Variants in UQCRB observed in about 807,000 individuals in gnomAD.
The protein encoded by UQCRB is cytochrome b-c1 complex subunit 7.
A neutral mutation model predicts 19.8 loss-of-function variants in UQCRB; 12 were observed. That is an observed-to-expected ratio of 0.61 (90% CI 0.39 to 0.98). UQCRB has a LOEUF of 0.98. Ranked by LOEUF, UQCRB falls within the 50% of genes least tolerant of loss-of-function variation. The probability of loss-of-function intolerance (pLI) is 0.00; values close to 1 mark genes in which losing one functional copy is unlikely to be tolerated. For missense variants in UQCRB, 142 were observed against 131.8 expected (o/e 1.08, Z -0.38); for synonymous variants, 39 against 42.9 (o/e 0.91, Z 0.35).
chr8:96,228,085 C>T lies in UQCRB; in HGVS notation c.*2970G>A, dbSNP rs117199041. 6.4e-5 allele frequency: 29 copies of T among 454,068 alleles called. No individual in the cohort carries two copies. The East Asian group carries it at 1.8e-3, about 28-fold the overall frequency. 28.1% of individuals were successfully genotyped at this position (454,068 alleles called of 1,614,324 possible). The stretch of plus-strand genomic sequence containing the variant: ...TTCCTACATCTTGACAACAGGAAGG[C>T]CAAGTGATACTAGGTAGTGCACTAC... On this transcript the variant is annotated 3_prime_UTR_variant, in exon 4 of 4. Coordinates refer to ENST00000287022, the MANE Select transcript of UQCRB (RefSeq NM_006294.5).
chr8:96,227,564 G>T lies in UQCRB; in HGVS notation c.*3491C>A, dbSNP rs1223880662. On this transcript the variant is annotated 3_prime_UTR_variant, in exon 4 of 4. Transcript: ENST00000287022. ...CCTCCCATACACCATAAACCCATCT[G>T]CTCTTCATCCATCAAGCTGTCAAGG... 1 of 454,052 alleles carries T rather than the reference G, an allele frequency of 2.2e-6. No individual in the cohort carries two copies. The highest frequency in any genetic ancestry group is 1.6e-5 in the South Asian group (1 of 64,470). 28.1% of individuals were successfully genotyped at this position (454,052 alleles called of 1,614,324 possible). A position where few individuals can be genotyped will look rare whatever the true frequency, so the allele number is the denominator to read the frequency against.
At chr8:96,234,354 C>T (rs1393422528) in intron 1 of UQCRB, 2 of 431,822 alleles carry the variant, frequency 4.6e-6, no homozygotes, top group East Asian at 1.5e-4. Flanking sequence ...AAACACTTTC[C>T]TATTTGCTTT....
chr8:96,234,896 C>T (rs1809770009), intron 1 of UQCRB: 2 of 202,940 alleles, frequency 9.9e-6, no homozygotes, highest in Admixed American at 5.4e-5. Flanking sequence ...ATTCAAATTT[C>T]TCCAAACCTA....
chr8:96,233,362 G>C, intron 1 of UQCRB, 135 bp from the exon 2 acceptor site: 3 of 712,994 alleles, frequency 4.2e-6, no homozygotes, highest in Non-Finnish European at 7.1e-6. Context: ...AAAGTATATA[G>C]TATATACAGC....
chr8:96,235,290 T>C, intron 1 of UQCRB: 1 of 654,602 alleles, frequency 1.5e-6, no homozygotes, highest in Non-Finnish European at 2.7e-6. Context: ...CGCGGGCACC[T>C]TCACAAACAG....
chr8:96,231,389 T>C (rs944762571), intron 3 of UQCRB: 2 of 1,538,804 alleles, frequency 1.3e-6, no homozygotes, highest in African/African-American at 1.4e-5. Flanking sequence ...CTTTGCCTAG[T>C]TTCAATGCAG....
chr8:96,233,101 AAAAAC>A, intron 2 of UQCRB, 50 bp downstream of exon 2: 2 of 1,572,920 alleles, frequency 1.3e-6, no homozygotes, highest in Non-Finnish European at 8.6e-7. Flanking sequence ...AAACAAAAAA[AAAAAC>A]AAAGAAACAA....
rs1231287415 is a variant in UQCRB, at chr8:96,225,331, A to G, written c.*5724T>C. Among the ~76,000 whole-genome samples the G allele has an allele frequency of 6.6e-6, 1 of 152,252 alleles. No homozygotes were observed. Among genetic ancestry groups the G allele is most frequent in the African/African-American group, 2.4e-5 (1 of 41,466 alleles). On this transcript the variant is annotated 3_prime_UTR_variant, in exon 4 of 4. Coordinates refer to ENST00000287022, the MANE Select transcript of UQCRB (RefSeq NM_006294.5). Reference sequence around the variant, plus strand: ...GAGCACTCAGTGCAGGCAGGAATGCAATAAAGGGACCCTCGTGATTGCTTA... The same window carrying G: ...GAGCACTCAGTGCAGGCAGGAATGCGATAAAGGGACCCTCGTGATTGCTTA...
In UQCRB at chr8:96,226,296, C is replaced by A. The variant is rs182383515; in HGVS notation, c.*4759G>T. On this transcript the variant is annotated 3_prime_UTR_variant, in exon 4 of 4. Transcript: ENST00000287022. ...AGGGAGGATTAAAAGAGACAACATA[C>A]GAACAGTGCCTAGTACAAAGCTAGT... 1 of 152,956 alleles carries A rather than the reference C, an allele frequency of 6.5e-6. No homozygotes were observed. The highest frequency in any genetic ancestry group is 6.5e-5 in the Admixed American group (1 of 15,320). 9.5% of individuals were successfully genotyped at this position (152,956 alleles called of 1,614,324 possible). A position where few individuals can be genotyped will look rare whatever the true frequency, so the allele number is the denominator to read the frequency against.
At chr8:96,231,652 C>T (rs1809678038) in intron 3 of UQCRB, 122 bp downstream of exon 3, 1 of 1,451,162 alleles carries the variant, frequency 6.9e-7, no homozygotes, top group African/African-American at 1.4e-5. Context: ...GCTTTATTAA[C>T]CTCACATATT....
Position 96,228,567 on chromosome 8 carries a change from C to G in UQCRB, c.*2488G>C. ...GACATTGATGATATTCAGCGTTTTC[C>G]CAAGTTATTCTTTCTCGCTTCTCAG... On this transcript the variant is annotated 3_prime_UTR_variant, in exon 4 of 4. Transcript: ENST00000287022. 2.2e-6 allele frequency: 1 copy of G among 454,078 alleles called. No homozygotes were observed. Among genetic ancestry groups the G allele is most frequent in the Non-Finnish European group, 4.4e-6 (1 of 226,794 alleles). The allele number at this position is 454,078 out of a possible 1,614,324, so 28.1% of individuals were successfully genotyped here.
chr8:96,229,789 G>T lies in UQCRB; in HGVS notation c.*1266C>A. The T allele has an allele frequency of 4.4e-6, 2 of 453,708 alleles. No homozygotes were observed. The allele number at this position is 453,708 out of a possible 1,614,324, so 28.1% of individuals were successfully genotyped here. A position where few individuals can be genotyped will look rare whatever the true frequency, so the allele number is the denominator to read the frequency against. On this transcript the variant is annotated 3_prime_UTR_variant, in exon 4 of 4. Transcript: ENST00000287022. Reference sequence around the variant, plus strand: ...AGGAAAAAAAAAAGCGGGGGAGGGGGTTCCTAGAGAATTTAAGAGGCTAAT... The same window carrying T: ...AGGAAAAAAAAAAGCGGGGGAGGGGTTTCCTAGAGAATTTAAGAGGCTAAT...
chr8:96,231,486 A>G, intron 3 of UQCRB: 2 of 1,534,524 alleles, frequency 1.3e-6, no homozygotes, highest in Non-Finnish European at 1.7e-6. Context: ...CTAAGTAGGA[A>G]GCAGAGTGCA....
At chr8:96,234,317 A>G in intron 1 of UQCRB, 1 of 329,436 alleles carries the variant, frequency 3.0e-6, no homozygotes, top group Non-Finnish European at 6.0e-6. Flanking sequence ...GACTATAATA[A>G]TATTCACTAA....
Position 96,228,156 on chromosome 8 carries a change from AAAAC to A in UQCRB, c.*2895_*2898del, listed in dbSNP as rs746330700. The A allele has an allele frequency of 6.8e-5, 31 of 454,038 alleles. 1 individual carries two copies. Among genetic ancestry groups the A allele is most frequent in the South Asian group, 3.1e-4 (20 of 64,488 alleles). The allele number at this position is 454,038 out of a possible 1,614,324, so 28.1% of individuals were successfully genotyped here. The stretch of plus-strand genomic sequence containing the variant: ...CATCTGTTTTTTTGCAAAGTATAGT[AAAAC>A]AAACAAACAGAACATAGACCACTTC... On this transcript the variant is annotated 3_prime_UTR_variant, in exon 4 of 4. Coordinates refer to ENST00000287022, the MANE Select transcript of UQCRB (RefSeq NM_006294.5).
rs1195128547 is a variant in UQCRB at position 96,228,059 on chromosome 8, C to T, written c.*2996G>A. On this transcript the variant is annotated 3_prime_UTR_variant, in exon 4 of 4. Transcript: ENST00000287022. ...TGAAGGCCCGACATCCCTTACGCTG[C>T]TTCCTACATCTTGACAACAGGAAGG... 2 of 454,100 alleles carry T rather than the reference C, an allele frequency of 4.4e-6. No homozygotes were observed. Among genetic ancestry groups the T allele is most frequent in the Admixed American group, 2.3e-5 (1 of 42,572 alleles). 28.1% of individuals were successfully genotyped at this position (454,100 alleles called of 1,614,324 possible).
chr8:96,234,703 G>A, intron 1 of UQCRB: 1 of 381,880 alleles, frequency 2.6e-6, no homozygotes, highest in Non-Finnish European at 5.1e-6. Context: ...CTCCAACTTG[G>A]TTGCATTGCA....
rs781638961 is a variant in UQCRB, at chr8:96,228,136, GT to G, written c.*2918del. 4.4e-6 allele frequency: 2 copies of G among 454,092 alleles called. No individual in the cohort carries two copies. Among genetic ancestry groups the G allele is most frequent in the South Asian group, 1.6e-5 (1 of 64,474 alleles). 28.1% of individuals were successfully genotyped at this position (454,092 alleles called of 1,614,324 possible). Reference sequence around the variant, plus strand: ...AACAGTGAACATAAGCCAGCCATCTGTTTTTTTGCAAAGTATAGTAAAACAA... The same window carrying G: ...AACAGTGAACATAAGCCAGCCATCTGTTTTTTGCAAAGTATAGTAAAACAA... On this transcript the variant is annotated 3_prime_UTR_variant, in exon 4 of 4. Transcript: ENST00000287022.
rs1473972055 is a variant in UQCRB, at chr8:96,233,195, G to C, written c.52C>G (p.Arg18Gly). 2 of 1,613,276 alleles carry C rather than the reference G, an allele frequency of 1.2e-6. No homozygotes were observed. The highest frequency in any genetic ancestry group is 1.1e-5 in the South Asian group (1 of 91,050). ...CCTGCAGCATTGTAATACCATTTTC[G>C]AATACCATCCAGCCACTTGCCTGAT... ...SASGKWLDGIRKWYYNAAGFN... is the reference protein window; with the variant it reads ...SASGKWLDGIGKWYYNAAGFN... The change falls in exon 2 of 4, where the codon CGA becomes GGA. Residue 18 changes from arginine to glycine, a missense_variant. This residue lies in a region of UQCRB where 132 missense variants were observed against 107.5 expected (regional missense o/e 1.23). Transcript: ENST00000287022.
Sources: gnomAD v4.1 joint callset for allele counts (sites outside exome capture counted in the v4.1 genomes callset) on GRCh38, gnomAD v4.1.1 for gene constraint, gnomAD v4.1.1 regional missense constraint, MANE v1.5 for transcripts, NCBI Gene and HGNC (gene_info 2026-07-23, HGNC 2026-07-21) for gene names.